The following GRAMD4 variants were observed in gnomAD, a reference collection of about 807,000 sequenced individuals.
GRAMD4 encodes GRAM domain-containing protein 4.
In GRAMD4, 25 loss-of-function variants were observed where a neutral mutation model predicts 83.9. The observed-to-expected ratio is 0.30, with a 90% CI of 0.22 to 0.42. The LOEUF (loss-of-function observed/expected upper bound fraction) is 0.42, where lower values mean the gene tolerates loss of function less well. Ranked by LOEUF, GRAMD4 falls within the 10% of genes least tolerant of loss-of-function variation. GRAMD4 has a pLI of 1.00. For synonymous variants in GRAMD4, 336 were observed against 320.9 expected (o/e 1.05, Z -0.50); for missense variants, 593 against 788.7 (o/e 0.75, Z 2.97).
upstream of GRAMD4, among the ~76,000 whole-genome samples, chr22:46,615,438 G>A (rs1237295916): frequency 4.2e-5 from 4 of 94,202 alleles, no homozygotes; most frequent in South Asian, 8.5e-4. Context: ...TGTAGGTTCC[G>A]CTGTGCGTGT....
chr22:46,603,877 G>A (rs933675255), intron 1 of GRAMD4, among the ~76,000 whole-genome samples: 2 of 152,160 alleles, frequency 1.3e-5, no homozygotes, highest in Non-Finnish European at 2.9e-5. Context: ...CAGTCCCAGG[G>A]TTATGGGTGC....
At chr22:46,611,072 C>T (rs1428246341) in intron 1 of GRAMD4, among the ~76,000 whole-genome samples, 2 of 151,802 alleles carry the variant, frequency 1.3e-5, no homozygotes, top group Admixed American at 6.6e-5. Context: ...AAGAATTAGC[C>T]GGGCATGGTG....
intron 5 of GRAMD4, among the ~76,000 whole-genome samples, chr22:46,661,728 C>A (rs1030798767): frequency 6.6e-6 from 1 of 152,252 alleles, no homozygotes; most frequent in African/African-American, 2.4e-5. Context: ...TTGGGGAATA[C>A]ACACGTACTC....
intron 1 of GRAMD4, chr22:46,577,420 G>A (rs916362783): frequency 1.3e-5 from 6 of 452,896 alleles, no homozygotes; most frequent in Admixed American, 6.5e-5. Flanking sequence ...CGCCGCCCGG[G>A]CCCGAGCCGG....
upstream of GRAMD4, among the ~76,000 whole-genome samples, chr22:46,615,965 C>G (rs1318339645): frequency 8.7e-6 from 1 of 115,340 alleles, no homozygotes; most frequent in African/African-American, 3.5e-5. Context: ...TAAGTTCCCC[C>G]CTGTGTAGGT....
At chr22:46,597,245 G>T (rs986819769) in intron 1 of GRAMD4, among the ~76,000 whole-genome samples, 6 of 152,168 alleles carry the variant, frequency 3.9e-5, no homozygotes, top group African/African-American at 1.4e-4. Context: ...CTGGCAGGAG[G>T]CATACTGCTA....
At chr22:46,638,035 G>A (rs2081917419) in intron 3 of GRAMD4, 75 bp downstream of exon 3, 1 of 1,511,614 alleles carries the variant, frequency 6.6e-7, no homozygotes, top group African/African-American at 1.4e-5. Context: ...ATGTCGTCTT[G>A]CCCAGGAGCT....
At chr22:46,623,214 C>T (rs2081603081) in intron 1 of GRAMD4, among the ~76,000 whole-genome samples, 1 of 152,092 alleles carries the variant, frequency 6.6e-6, no homozygotes, top group Non-Finnish European at 1.5e-5. Flanking sequence ...GGACCCCCTG[C>T]CCTGCTGGTC....
intron 3 of GRAMD4, among the ~76,000 whole-genome samples, chr22:46,645,528 C>A (rs114790518): frequency 1.1e-4 from 17 of 152,344 alleles, no homozygotes; most frequent in African/African-American, 3.8e-4. Flanking sequence ...TCAGCTCCCC[C>A]ACCTGTAAAG....
chr22:46,615,935 C>T (rs1385025933), upstream of GRAMD4, among the ~76,000 whole-genome samples: 4 of 85,748 alleles, frequency 4.7e-5, no homozygotes, highest in African/African-American at 9.1e-5. Flanking sequence ...TTCCCCTGTG[C>T]GTGTGGGTTC....
chr22:46,613,379 C>T (rs903509614), intron 1 of GRAMD4, among the ~76,000 whole-genome samples: 1 of 152,246 alleles, frequency 6.6e-6, no homozygotes, highest in Non-Finnish European at 1.5e-5. Context: ...TCTCCAGCCC[C>T]GGTGGTACTT....
intron 1 of GRAMD4, among the ~76,000 whole-genome samples, chr22:46,599,323 TG>T (rs201814308): frequency 1.3e-5 from 2 of 151,968 alleles, no homozygotes; most frequent in African/African-American, 4.8e-5. Flanking sequence ...GATACTAAGT[TG>T]TTTTTTTTTT....
Position 46,665,712 on chromosome 22 carries a change from T to G in GRAMD4, c.809+6T>G. On this transcript the variant is annotated splice_donor_region_variant and intron_variant, in intron 9 of 18. Coordinates refer to ENST00000406902, the MANE Select transcript of GRAMD4 (RefSeq NM_015124.5). ...CTCAATTACCTCATCGCCAGGTAGG[T>G]GAGCCGGTTTGTTGCAGCTGCTTTA... is the stretch of plus-strand genomic sequence containing the variant. The G allele has an allele frequency of 6.7e-7, 1 of 1,491,358 alleles. No individual in the cohort carries two copies. Among genetic ancestry groups the G allele is most frequent in the Non-Finnish European group, 9.4e-7 (1 of 1,068,678 alleles). The allele number at this position is 1,491,358 out of a possible 1,614,324, so 92.4% of individuals were successfully genotyped here.
intron 13 of GRAMD4, among the ~76,000 whole-genome samples, chr22:46,669,225 C>T (rs1369339851): frequency 6.6e-6 from 1 of 152,202 alleles, no homozygotes; most frequent in East Asian, 1.9e-4. Context: ...CAGGACATGC[C>T]TCTTGGGGCG....
chr22:46,668,022 C>T (rs1484396588), intron 10 of GRAMD4, 74 bp from the exon 11 acceptor site: 34 of 1,073,200 alleles, frequency 3.2e-5, no homozygotes, highest in Non-Finnish European at 4.1e-5. Context: ...TGGGAGGGCT[C>T]CACACTGTTT....
intron 3 of GRAMD4, among the ~76,000 whole-genome samples, chr22:46,650,457 G>A (rs1234101995): frequency 6.6e-6 from 1 of 152,096 alleles, no homozygotes; most frequent in Non-Finnish European, 1.5e-5. Context: ...GTGGACGGCT[G>A]GGCCTCAGCC....
chr22:46,679,890 C>A, downstream of GRAMD4: 1 of 650,662 alleles, frequency 1.5e-6, no homozygotes, highest in Non-Finnish European at 1.9e-6. Flanking sequence ...CAGCCCGCCA[C>A]TCCCTGGGGC....
intron 3 of GRAMD4, among the ~76,000 whole-genome samples, chr22:46,645,798 A>G (rs1302962645): frequency 6.6e-6 from 1 of 152,244 alleles, no homozygotes; most frequent in African/African-American, 2.4e-5. Context: ...AATTAAAAGC[A>G]TCATGCGTTT....
At chr22:46,669,728 A>T (rs1195252338) in intron 13 of GRAMD4, among the ~76,000 whole-genome samples, 1 of 151,754 alleles carries the variant, frequency 6.6e-6, no homozygotes, top group Non-Finnish European at 1.5e-5. Flanking sequence ...GGCACCCGCC[A>T]CCACGCCCAG....
Sources: gnomAD v4.1 joint callset for allele counts (sites outside exome capture counted in the v4.1 genomes callset) on GRCh38, gnomAD v4.1.1 for gene constraint, MANE v1.5 for transcripts, NCBI Gene and HGNC (gene_info 2026-07-23, HGNC 2026-07-21) for gene names.